The following EPHB1 variants were observed in gnomAD, a reference collection of about 807,000 sequenced individuals.
The protein encoded by EPHB1 is EPH receptor B1, also known as ephrin type-B receptor 1.
EPHB1 carries 30 observed loss-of-function variants against 94.4 expected under a neutral mutation model. That is an observed-to-expected ratio of 0.32 (90% CI 0.24 to 0.43). EPHB1 has a LOEUF of 0.43. Among genes scored for constraint, EPHB1 ranks in the 20% least tolerant of loss-of-function variants. The probability of loss-of-function intolerance (pLI) is 1.00; values close to 1 mark genes in which losing one functional copy is unlikely to be tolerated. For synonymous variants in EPHB1, 522 were observed against 489.1 expected (o/e 1.07, Z -0.89); for missense variants, 1,055 against 1,308.3 (o/e 0.81, Z 2.99).
chr3:134,892,066 A>G (rs562610475), intron 1 of EPHB1, among the ~76,000 whole-genome samples: 33 of 152,376 alleles, frequency 2.2e-4, no homozygotes, highest in African/African-American at 6.7e-4. Context: ...TGCTACTCCC[A>G]TAGAAGTACT....
chr3:135,008,684 G>C (rs754450335), intron 3 of EPHB1, among the ~76,000 whole-genome samples: 8 of 152,158 alleles, frequency 5.3e-5, no homozygotes, highest in Non-Finnish European at 7.3e-5. Context: ...TGTCTCAAAG[G>C]GTGTCTCGTT....
intron 1 of EPHB1, among the ~76,000 whole-genome samples, chr3:134,893,279 A>C (rs541669943): frequency 6.6e-6 from 1 of 152,274 alleles, no homozygotes; most frequent in Admixed American, 6.5e-5. Context: ...GAAAACCTAA[A>C]CTATGTTAAC....
chr3:135,084,110 A>C (rs1421997918), intron 3 of EPHB1, among the ~76,000 whole-genome samples: 1 of 152,232 alleles, frequency 6.6e-6, no homozygotes, highest in Non-Finnish European at 1.5e-5. Flanking sequence ...AAATAAAAGT[A>C]AAGGAAAGAA....
rs77532209 is a variant in EPHB1, at chr3:135,246,908, C to T, written c.2497-1408C>T. On this transcript the variant is annotated intron_variant, in intron 13 of 15. Transcript: ENST00000398015. The stretch of plus-strand genomic sequence containing the variant: ...TTTATCTCATGTCCTATCTCATGTC[C>T]TACATACTATGCATAGAAACTGTAA... Among the ~76,000 whole-genome samples, 624 of 152,194 alleles carry T rather than the reference C, an allele frequency of 4.1e-3. 1 individual carries two copies. Among genetic ancestry groups the T allele is most frequent in the African/African-American group, 0.015 (612 of 41,510 alleles).
chr3:135,019,278 G>A (rs1461420129), intron 3 of EPHB1, among the ~76,000 whole-genome samples: 3 of 152,082 alleles, frequency 2.0e-5, no homozygotes, highest in African/African-American at 7.2e-5. Flanking sequence ...GGATAAGAAT[G>A]GAGCATGTAT....
At chr3:134,849,829 C>G (rs532883116) in intron 1 of EPHB1, among the ~76,000 whole-genome samples, 1 of 152,324 alleles carries the variant, frequency 6.6e-6, no homozygotes, top group Admixed American at 6.5e-5. Flanking sequence ...TTCTTAGAAT[C>G]TGGCTTAATT....
chr3:135,030,156 G>A (rs1233731152), intron 3 of EPHB1, among the ~76,000 whole-genome samples: 1 of 151,732 alleles, frequency 6.6e-6, no homozygotes, highest in Non-Finnish European at 1.5e-5. Context: ...CAACTTCTTT[G>A]CCTTTGGTTT....
rs139784516 is a variant in EPHB1 at position 135,097,577 on chromosome 3, A to T, written c.806-8871A>T. On this transcript the variant is annotated intron_variant, in intron 3 of 15. Transcript: ENST00000398015. ...CACCTCTTTAACAACTTCCATGCGGATGCATTCTAGGCTTGCTACTGCTAC... is the reference window on the plus strand; with the variant it reads ...CACCTCTTTAACAACTTCCATGCGGTTGCATTCTAGGCTTGCTACTGCTAC... Among the ~76,000 whole-genome samples the T allele has an allele frequency of 3.9e-4, 60 of 152,322 alleles. No individual in the cohort carries two copies. The East Asian group carries it at 0.011, about 29-fold the overall frequency.
chr3:135,116,064 A>T (rs1939691084), intron 4 of EPHB1, among the ~76,000 whole-genome samples: 1 of 152,114 alleles, frequency 6.6e-6, no homozygotes, highest in African/African-American at 2.4e-5. Context: ...AAATAGAAAA[A>T]TTAGCCAGGC....
chr3:134,921,480 C>A (rs2038685573), intron 1 of EPHB1, among the ~76,000 whole-genome samples: 1 of 152,208 alleles, frequency 6.6e-6, no homozygotes, highest in East Asian at 1.9e-4. Context: ...GAATAGGGTG[C>A]CAGTTATGAC....
chr3:135,241,410 G>A, intron 13 of EPHB1, 113 bp downstream of exon 13: 2 of 1,330,414 alleles, frequency 1.5e-6, no homozygotes, highest in Non-Finnish European at 2.1e-6. Context: ...TGAACCTGCA[G>A]TGTTCAGGGT....
chr3:134,834,480 C>T (rs1204449261), intron 1 of EPHB1, among the ~76,000 whole-genome samples: 2 of 152,196 alleles, frequency 1.3e-5, no homozygotes, highest in African/African-American at 4.8e-5. Flanking sequence ...TGCAGTGTGA[C>T]ATCACAGCTG....
chr3:134,847,391 C>G (rs2036895754), intron 1 of EPHB1, among the ~76,000 whole-genome samples: 1 of 152,186 alleles, frequency 6.6e-6, no homozygotes, highest in Non-Finnish European at 1.5e-5. Flanking sequence ...GCTCACTGAG[C>G]CTCAGTTTAC....
intron 3 of EPHB1, among the ~76,000 whole-genome samples, chr3:134,992,244 G>A (rs1015447150): frequency 2.6e-5 from 4 of 152,142 alleles, no homozygotes; most frequent in Non-Finnish European, 5.9e-5. Context: ...GGGAGCAGGC[G>A]GGCTGCTCTT....
intron 1 of EPHB1, among the ~76,000 whole-genome samples, chr3:134,876,095 C>T (rs900779404): frequency 6.6e-6 from 1 of 152,140 alleles, no homozygotes; most frequent in South Asian, 2.1e-4. Context: ...TGGTCTAGGG[C>T]TCCTCAGTCC....
chr3:135,242,182 A>G (rs1398745178), intron 13 of EPHB1, among the ~76,000 whole-genome samples: 1 of 152,196 alleles, frequency 6.6e-6, no homozygotes, highest in Non-Finnish European at 1.5e-5. Flanking sequence ...TGTTTTGCAT[A>G]CATACCCTCC....
At chr3:135,178,013 A>G (rs1487382224) in intron 9 of EPHB1, among the ~76,000 whole-genome samples, 2 of 152,180 alleles carry the variant, frequency 1.3e-5, no homozygotes, top group African/African-American at 2.4e-5. Flanking sequence ...ATTTCAGTCT[A>G]TATATTCTCA....
intron 12 of EPHB1, among the ~76,000 whole-genome samples, chr3:135,206,160 A>G (rs1423185546): frequency 1.3e-5 from 2 of 152,202 alleles, no homozygotes; most frequent in African/African-American, 4.8e-5. Context: ...TTTCACTTGC[A>G]TTATATTTAA....
intron 7 of EPHB1, among the ~76,000 whole-genome samples, chr3:135,163,265 A>T (rs1007990129): frequency 4.6e-5 from 7 of 152,206 alleles, no homozygotes; most frequent in Admixed American, 1.3e-4. Context: ...TTGTGAAAAA[A>T]TTGTAAGAGA....
Sources: allele counts gnomAD v4.1 joint callset (sites outside exome capture counted in the v4.1 genomes callset), GRCh38; gene constraint gnomAD v4.1.1; transcripts MANE v1.5; gene names NCBI Gene and HGNC (gene_info 2026-07-23, HGNC 2026-07-21).